Variants in MAPT observed in about 807,000 individuals in gnomAD.
MAPT encodes the protein microtubule-associated protein tau.
MAPT carries 34 observed loss-of-function variants against 67.9 expected under a neutral mutation model. That is an observed-to-expected ratio of 0.50 (90% confidence interval 0.38 to 0.67). MAPT has a LOEUF of 0.67. Among genes scored for constraint, MAPT ranks in the 30% least tolerant of loss-of-function variants. The pLI is 0.00. For missense variants in MAPT, 881 were observed against 1,115.2 expected (o/e 0.79, Z 2.99); for synonymous variants, 456 against 464.5 (o/e 0.98, Z 0.23).
chr17:45,993,944 A>G, intron 8 of MAPT: 1 of 1,577,368 alleles, frequency 6.3e-7, no homozygotes, highest in South Asian at 1.2e-5. Context: ...AGTCCAGAGA[A>G]GACCACCCCC....
chr17:45,946,229 G>T (rs1314829729), intron 1 of MAPT, among the ~76,000 whole-genome samples: 2 of 152,038 alleles, frequency 1.3e-5, no homozygotes, highest in African/African-American at 4.8e-5. Flanking sequence ...GGCATTCGTG[G>T]ACACAGGGAG....
intron 7 of MAPT, 54 bp from the exon 8 acceptor site, chr17:45,991,406 T>C: frequency 1.2e-6 from 2 of 1,612,384 alleles, no homozygotes; most frequent in Non-Finnish European, 1.7e-6. Context: ...TGACTCTTGG[T>C]GGCAGTAACT....
intron 12 of MAPT, among the ~76,000 whole-genome samples, chr17:46,021,848 A>G (rs570171073): frequency 4.6e-5 from 7 of 152,148 alleles, no homozygotes; most frequent in Admixed American, 2.6e-4. Flanking sequence ...AGAAAACACC[A>G]TCCTGGTCCT....
intron 4 of MAPT, among the ~76,000 whole-genome samples, chr17:45,980,817 C>A (rs1452231635): frequency 3.3e-5 from 5 of 152,186 alleles, no homozygotes; most frequent in African/African-American, 1.2e-4. Flanking sequence ...GCAGCCCCTG[C>A]CTCTGGTCAG....
At chr17:45,929,957 C>A (rs932824116) in intron 1 of MAPT, among the ~76,000 whole-genome samples, 1 of 152,190 alleles carries the variant, frequency 6.6e-6, no homozygotes, top group Non-Finnish European at 1.5e-5. Flanking sequence ...CACCCTCTGG[C>A]AAGCCAAGTT....
At chr17:46,015,770 T>C (rs1300712842) in intron 11 of MAPT, among the ~76,000 whole-genome samples, 1 of 152,240 alleles carries the variant, frequency 6.6e-6, no homozygotes, top group Non-Finnish European at 1.5e-5. Context: ...GGATACCCCA[T>C]TTTCCATGAT....
intron 1 of MAPT, among the ~76,000 whole-genome samples, chr17:45,917,292 G>T (rs1349146740): frequency 6.6e-6 from 1 of 152,230 alleles, no homozygotes; most frequent in Non-Finnish European, 1.5e-5. Flanking sequence ...CGCTAAGGTC[G>T]AGTGGTCGGT....
chr17:46,006,984 A>AAAATAAAAT (rs1568322229), intron 9 of MAPT, among the ~76,000 whole-genome samples: 35 of 85,522 alleles, frequency 4.1e-4, no homozygotes, highest in African/African-American at 1.2e-3. Context: ...TAAAATAAAT[A>AAAATAAAAT]AAATAAAATA....
chr17:45,925,111 C>T (rs2066152767), intron 1 of MAPT, among the ~76,000 whole-genome samples: 1 of 152,236 alleles, frequency 6.6e-6, no homozygotes, highest in Non-Finnish European at 1.5e-5. Flanking sequence ...TTTTCCTCCT[C>T]TCTCCCTATC....
chr17:45,936,897 T>C (rs12150195), intron 1 of MAPT, among the ~76,000 whole-genome samples: 21,820 of 152,106 alleles, frequency 0.14, 2,140 homozygotes, highest in Middle Eastern at 0.22. Flanking sequence ...ATACACACAG[T>C]GTGCATGCCC....
At chr17:46,002,679 G>A (rs560870480) in intron 9 of MAPT, among the ~76,000 whole-genome samples, 7 of 141,952 alleles carry the variant, frequency 4.9e-5, no homozygotes, top group South Asian at 2.1e-4. Context: ...GCCTTGGGGC[G>A]GGGGGTGCAA....
chr17:45,924,851 ATTGCTGGGGG>A (rs2066126221), intron 1 of MAPT, among the ~76,000 whole-genome samples: 1 of 152,118 alleles, frequency 6.6e-6, no homozygotes, highest in African/African-American at 2.4e-5. Flanking sequence ...TGTCCTGGCC[ATTGCTGGGGG>A]GTGGCACTTA....
chr17:45,942,948 C>T (rs62062772), intron 1 of MAPT, among the ~76,000 whole-genome samples: 21,838 of 152,292 alleles, frequency 0.14, 2,139 homozygotes, highest in Non-Finnish European at 0.22. Flanking sequence ...TGACTCCCTG[C>T]ACTGCGCTGT....
chr17:45,943,107 G>A (rs1368418157), intron 1 of MAPT, among the ~76,000 whole-genome samples: 1 of 152,208 alleles, frequency 6.6e-6, no homozygotes, highest in African/African-American at 2.4e-5. Context: ...TGGCTGGAGT[G>A]CAGTGGCATG....
chr17:45,941,208 A>AT (rs1273685730), intron 1 of MAPT, among the ~76,000 whole-genome samples: 7 of 152,246 alleles, frequency 4.6e-5, no homozygotes, highest in Non-Finnish European at 4.4e-5. Context: ...AAGAAAATAA[A>AT]TTTAAGTTTG....
At chr17:46,001,554 T>C (rs1327269519) in intron 9 of MAPT, among the ~76,000 whole-genome samples, 2 of 152,280 alleles carry the variant, frequency 1.3e-5, no homozygotes, top group East Asian at 1.9e-4. Flanking sequence ...TCCCAACACT[T>C]TGGGAGGCCG....
intron 1 of MAPT, among the ~76,000 whole-genome samples, chr17:45,913,808 C>T (rs931080526): frequency 6.6e-6 from 1 of 152,218 alleles, no homozygotes; most frequent in African/African-American, 2.4e-5. Context: ...GCTATTGGCA[C>T]TGGTGGGCAT....
rs1318867164 is a variant in MAPT, at chr17:46,014,747, G to A, written c.2173+423G>A. Among the ~76,000 whole-genome samples, 6 of 152,098 alleles carry A rather than the reference G, an allele frequency of 3.9e-5. No homozygotes were observed. In the East Asian group the frequency reaches 7.7e-4, roughly 20 times the overall value. ...AAATTAGCCGGGCGTGGTGGTGGGC[G>A]CCTGTAGTCCCAGCTACTCCGGAGG... On this transcript the variant is annotated intron_variant, in intron 11 of 12. Coordinates refer to ENST00000262410, the MANE Select transcript of MAPT (RefSeq NM_001377265.1).
intron 9 of MAPT, among the ~76,000 whole-genome samples, chr17:45,998,213 T>C (rs1032672272): frequency 6.6e-6 from 1 of 152,142 alleles, no homozygotes; most frequent in Non-Finnish European, 1.5e-5. Context: ...CCAGTGCACA[T>C]GGGCACCTTG....
Sources: allele counts gnomAD v4.1 joint callset (sites outside exome capture counted in the v4.1 genomes callset), GRCh38; gene constraint gnomAD v4.1.1; transcripts MANE v1.5; gene names NCBI Gene and HGNC (gene_info 2026-07-23, HGNC 2026-07-21).